The following SLC26A4 variants were observed in gnomAD, a reference collection of about 807,000 sequenced individuals.
The protein encoded by SLC26A4 is pendrin.
Under a neutral mutation model 90.4 loss-of-function variants are expected in SLC26A4, and 93 were observed. The observed-to-expected ratio is 1.03, with a 90% CI of 0.87 to 1.22. The LOEUF (loss-of-function observed/expected upper bound fraction) is 1.22, where lower values mean the gene tolerates loss of function less well. SLC26A4 is among the 50% of genes most tolerant of loss of function. The pLI is 0.00. For missense variants in SLC26A4, 1,127 were observed against 946.2 expected (o/e 1.19, Z -2.51); for synonymous variants, 393 against 354.6 (o/e 1.11, Z -1.22).
intron 20 of SLC26A4, among the ~76,000 whole-genome samples, chr7:107,713,036 G>T (rs957156650): frequency 6.6e-6 from 1 of 152,212 alleles, no homozygotes; most frequent in South Asian, 2.1e-4. Context: ...ACTGATAAAG[G>T]CTTTAAAAAC....
rs1792138808 is a variant in SLC26A4 at position 107,710,079 on chromosome 7, A to T, written c.2115A>T (p.Gln705His). ...LQDYVIEKLE[Q>H]CGFFDDNIRK... ...ATTATGTGATAGAAAAGCTGGAGCA[A>T]TGCGGGTTCTTTGACGACAACATTA... Residue 705 changes from glutamine (Q) to histidine (H), a missense_variant, in exon 19 of 21, where the codon CAA becomes CAT. Gln to His is a conservative substitution (Grantham distance 24). Transcript: ENST00000644269. 2 of 1,613,302 alleles carry T rather than the reference A, an allele frequency of 1.2e-6. No homozygotes were observed. Among genetic ancestry groups the T allele is most frequent in the Non-Finnish European group, 1.7e-6 (2 of 1,179,256 alleles).
intron 18 of SLC26A4, among the ~76,000 whole-genome samples, chr7:107,707,702 A>G (rs925365097): frequency 1.3e-4 from 20 of 152,228 alleles, no homozygotes; most frequent in African/African-American, 4.8e-4. Flanking sequence ...CTATAAAAAT[A>G]TAGCACAAAG....
chr7:107,700,033 T>G, intron 14 of SLC26A4, 50 bp from the exon 15 acceptor site: 1 of 1,073,758 alleles, frequency 9.3e-7, no homozygotes, highest in Non-Finnish European at 1.5e-6. Context: ...TGTAATTAAA[T>G]ACTTGAGGCT....
At chr7:107,695,864 T>C (rs1791725599) in intron 12 of SLC26A4, 69 bp from the exon 13 acceptor site, 5 of 838,220 alleles carry the variant, frequency 6.0e-6, no homozygotes, top group Middle Eastern at 4.8e-4. Flanking sequence ...CTTATTTTTA[T>C]AGGTAGTTAT....
intron 20 of SLC26A4, among the ~76,000 whole-genome samples, chr7:107,714,014 A>G (rs1184829296): frequency 6.6e-6 from 1 of 152,084 alleles, no homozygotes; most frequent in African/African-American, 2.4e-5. Context: ...TCCCAGGTTC[A>G]AGAGATTCTC....
chr7:107,713,416 T>C (rs1420105352), intron 20 of SLC26A4, among the ~76,000 whole-genome samples: 1 of 152,216 alleles, frequency 6.6e-6, no homozygotes, highest in Non-Finnish European at 1.5e-5. Context: ...CTTTCTGTAG[T>C]AACCACCTAG....
chr7:107,664,521 C>A (rs146560725), intron 3 of SLC26A4, among the ~76,000 whole-genome samples: 15 of 151,730 alleles, frequency 9.9e-5, no homozygotes, highest in African/African-American at 3.1e-4. Context: ...CATGAGCCAC[C>A]ATGCCCAGCC....
intron 17 of SLC26A4, among the ~76,000 whole-genome samples, chr7:107,702,965 T>C (rs940103367): frequency 6.6e-6 from 1 of 151,922 alleles, no homozygotes; most frequent in Non-Finnish European, 1.5e-5. Flanking sequence ...AGTTGAGGAG[T>C]ATGCAGGATA....
intron 4 of SLC26A4, 78 bp from the exon 5 acceptor site, chr7:107,674,086 A>AT (rs1188177180): frequency 2.1e-6 from 3 of 1,406,822 alleles, no homozygotes; most frequent in Non-Finnish European, 3.0e-6. Context: ...TCTTTTATAC[A>AT]TTTTTTAAAC....
chr7:107,663,744 C>T (rs771572542), intron 3 of SLC26A4, among the ~76,000 whole-genome samples: 2 of 152,126 alleles, frequency 1.3e-5, no homozygotes, highest in Admixed American at 6.5e-5. Context: ...AGTGCAGTGG[C>T]GCAATCCTGG....
intron 6 of SLC26A4, among the ~76,000 whole-genome samples, chr7:107,681,418 A>C (rs1033243526): frequency 6.6e-6 from 1 of 152,206 alleles, no homozygotes; most frequent in Admixed American, 6.5e-5. Context: ...CATTAAGCTC[A>C]TACATAATTG....
chr7:107,710,242 T>C (rs1318983275), intron 19 of SLC26A4, 43 bp downstream of exon 19: 1 of 1,379,318 alleles, frequency 7.2e-7, no homozygotes. Flanking sequence ...TTCTAAACTA[T>C]CATGATTTCT....
intron 8 of SLC26A4, among the ~76,000 whole-genome samples, chr7:107,686,405 T>TTTTCTTTCTTTC (rs774114215): frequency 0.024 from 1,991 of 82,544 alleles, 48 homozygotes; most frequent in East Asian, 0.054. Context: ...TCTCTCTCTT[T>TTTTCTTTCTTTC]TTTCTTTCTT....
At chr7:107,667,459 T>G (rs62469776) in intron 3 of SLC26A4, among the ~76,000 whole-genome samples, 1 of 51,470 alleles carries the variant, frequency 1.9e-5, no homozygotes, top group African/African-American at 1.4e-4. Context: ...AGAGAGAAGG[T>G]TTAAAAAAAA....
chr7:107,663,095 T>C (rs931601370), intron 2 of SLC26A4, among the ~76,000 whole-genome samples: 22 of 152,224 alleles, frequency 1.4e-4, no homozygotes, highest in Non-Finnish European at 5.9e-5. Context: ...CTGTGTTCTC[T>C]AGAAGAGTGC....
Position 107,698,050 on chromosome 7 carries a change from G to C in SLC26A4, c.1553G>C (p.Trp518Ser). 6.2e-7 allele frequency: 1 copy of C among 1,605,472 alleles called. No homozygotes were observed. Reference sequence around the variant, plus strand: ...GATATTTTTTCTTCTAGTCCTTCTTGGAATGGCCTTGGAAGCATCCCTAGC... The same window carrying C: ...GATATTTTTTCTTCTAGTCCTTCTTCGAATGGCCTTGGAAGCATCCCTAGC... Reference protein sequence around the residue: ...TVVLRVQFPSWNGLGSIPSTD... With the variant: ...TVVLRVQFPSSNGLGSIPSTD... The change falls in exon 14 of 21, where the codon TGG (tryptophan) becomes TCG (serine). Residue 518 changes from tryptophan to serine, a missense_variant. Trp to Ser is a radical substitution (Grantham distance 177, BLOSUM62 -3). Transcript: ENST00000644269.
intron 4 of SLC26A4, among the ~76,000 whole-genome samples, chr7:107,672,879 C>T (rs73421434): frequency 0.011 from 1,611 of 152,224 alleles, 31 homozygotes; most frequent in African/African-American, 0.036. Flanking sequence ...TGTTTTAATG[C>T]TATTTTGTGA....
chr7:107,663,734 A>C (rs192341151), intron 3 of SLC26A4, among the ~76,000 whole-genome samples: 82 of 152,092 alleles, frequency 5.4e-4, no homozygotes, highest in African/African-American at 1.8e-3. Flanking sequence ...CCTAGGCTGG[A>C]GTGCAGTGGC....
At position 107,674,224 on chromosome 7, in the gene SLC26A4, A is replaced by G; in HGVS notation, c.476A>G (p.Glu159Gly). The change falls in exon 5 of 21, where the codon GAA becomes GGA. Residue 159 changes from glutamate to glycine, a missense_variant. By Grantham distance (98) the Glu-to-Gly change is moderately conservative. Transcript: ENST00000644269. ...GTTGTTCTGAGCATGGCCCCCGACG[A>G]ACACTTTCTCGTATCCAGCAGCAAT... ...GSVVLSMAPD[E>G]HFLVSSSNGT... 6.2e-7 allele frequency: 1 copy of G among 1,614,122 alleles called. No homozygotes were observed. Among genetic ancestry groups the G allele is most frequent in the Non-Finnish European group, 8.5e-7 (1 of 1,180,014 alleles).
Sources: gnomAD v4.1 joint callset for allele counts (sites outside exome capture counted in the v4.1 genomes callset) on GRCh38, gnomAD v4.1.1 for gene constraint, MANE v1.5 for transcripts, NCBI Gene and HGNC (gene_info 2026-07-23, HGNC 2026-07-21) for gene names.